Variants in ENTREP2 observed in about 807,000 individuals in gnomAD.
ENTREP2 encodes the protein protein ENTREP2.
the ENTREP2 span, among the ~76,000 whole-genome samples, chr15:29,228,675 A>G: frequency 6.6e-6 from 1 of 152,230 alleles, no homozygotes; most frequent in Non-Finnish European, 1.5e-5. Flanking sequence ...ATACTGTTTA[A>G]TTATTAATTT....
the ENTREP2 span, chr15:29,613,370 T>A: frequency 2.7e-6 from 1 of 366,998 alleles, no homozygotes; most frequent in South Asian, 2.4e-5. Context: ...GTTGATTCAT[T>A]CCTGGATATG....
At chr15:29,174,712 A>AAAC in the ENTREP2 span, among the ~76,000 whole-genome samples, 633 of 148,998 alleles carry the variant, frequency 4.2e-3, 15 homozygotes, top group Non-Finnish European at 4.0e-3. Flanking sequence ...CAAAACAACA[A>AAAC]AAAAAAAAAA....
the ENTREP2 span, among the ~76,000 whole-genome samples, chr15:29,256,000 CAAA>C: frequency 1.4e-3 from 153 of 112,406 alleles, 2 homozygotes; most frequent in South Asian, 0.015. Context: ...GAGTCCGTCT[CAAA>C]AAAAAAAAAA....
At chr15:29,476,496 G>C in the ENTREP2 span, among the ~76,000 whole-genome samples, 5 of 152,262 alleles carry the variant, frequency 3.3e-5, no homozygotes, top group Admixed American at 1.3e-4. Flanking sequence ...GGTCAGCATG[G>C]GGCCCACAAA....
chr15:29,240,160 C>G, the ENTREP2 span, among the ~76,000 whole-genome samples: 1 of 152,146 alleles, frequency 6.6e-6, no homozygotes, highest in African/African-American at 2.4e-5. Flanking sequence ...GTCGGGAGTT[C>G]GAGACCAGCC....
the ENTREP2 span, among the ~76,000 whole-genome samples, chr15:29,531,202 G>A: frequency 6.6e-6 from 1 of 152,126 alleles, no homozygotes; most frequent in African/African-American, 2.4e-5. Flanking sequence ...TGACAGTCTC[G>A]CCTTGAGAAG....
At chr15:29,601,148 C>T in the ENTREP2 span, among the ~76,000 whole-genome samples, 33 of 148,888 alleles carry the variant, frequency 2.2e-4, no homozygotes, top group African/African-American at 7.3e-4. Flanking sequence ...CCGCCTGCCT[C>T]GGCCTCCCAA....
the ENTREP2 span, among the ~76,000 whole-genome samples, chr15:29,291,620 C>T: frequency 2.0e-5 from 3 of 152,272 alleles, no homozygotes; most frequent in Admixed American, 6.5e-5. Flanking sequence ...AGAAAGAAAT[C>T]GAAGCCAACC....
chr15:29,400,180 C>T, the ENTREP2 span, among the ~76,000 whole-genome samples: 4 of 152,276 alleles, frequency 2.6e-5, no homozygotes, highest in East Asian at 1.9e-4. Context: ...ACTTGCCCAA[C>T]GTTACAATGA....
the ENTREP2 span, among the ~76,000 whole-genome samples, chr15:29,206,939 G>A: frequency 1.6e-4 from 24 of 152,012 alleles, no homozygotes; most frequent in Non-Finnish European, 3.4e-4. Flanking sequence ...CGACAGTTTG[G>A]GACCAATCAA....
At chr15:29,673,620 T>G in the ENTREP2 span, among the ~76,000 whole-genome samples, 4 of 152,190 alleles carry the variant, frequency 2.6e-5, no homozygotes, top group African/African-American at 9.7e-5. Context: ...TCTTGGAGTC[T>G]CCAGATGCAT....
At chr15:29,598,975 C>T in the ENTREP2 span, among the ~76,000 whole-genome samples, 656 of 152,354 alleles carry the variant, frequency 4.3e-3, 8 homozygotes, top group African/African-American at 0.015. Flanking sequence ...GGATTACAGG[C>T]ATGAGCCACG....
At chr15:29,361,085 T>C in the ENTREP2 span, among the ~76,000 whole-genome samples, 64,282 of 152,064 alleles carry the variant, frequency 0.42, 16,542 homozygotes, top group African/African-American at 0.73. Flanking sequence ...GTTGTTCTGC[T>C]GGCCTGCAAG....
At chr15:29,511,197 TAAAA>T in the ENTREP2 span, among the ~76,000 whole-genome samples, 3 of 151,926 alleles carry the variant, frequency 2.0e-5, no homozygotes, top group African/African-American at 7.3e-5. Context: ...AATTTTAAAA[TAAAA>T]GAAAGAAAGA....
At chr15:29,256,226 G>A in the ENTREP2 span, among the ~76,000 whole-genome samples, 5 of 152,184 alleles carry the variant, frequency 3.3e-5, no homozygotes, top group East Asian at 1.9e-4. Flanking sequence ...ACCTATTGGG[G>A]TACTGTGCTC....
At chr15:29,352,730 G>C in the ENTREP2 span, among the ~76,000 whole-genome samples, 5 of 152,186 alleles carry the variant, frequency 3.3e-5, no homozygotes, top group Non-Finnish European at 7.4e-5. Context: ...CAGCCAAACC[G>C]ATACTTTTCT....
chr15:29,292,780 A>G, the ENTREP2 span, among the ~76,000 whole-genome samples: 4 of 152,334 alleles, frequency 2.6e-5, no homozygotes, highest in Admixed American at 2.6e-4. Flanking sequence ...TAGAAGCTGT[A>G]CATCTTTGGT....
the ENTREP2 span, among the ~76,000 whole-genome samples, chr15:29,582,819 T>G: frequency 6.6e-6 from 1 of 151,974 alleles, no homozygotes; most frequent in Non-Finnish European, 1.5e-5. Flanking sequence ...GCCTGGCTGA[T>G]TTTTGTATTT....
At chr15:29,466,517 G>A in the ENTREP2 span, among the ~76,000 whole-genome samples, 8 of 130,826 alleles carry the variant, frequency 6.1e-5, no homozygotes, top group South Asian at 2.6e-4. Flanking sequence ...GGGAAGAGCC[G>A]AGGAGAGGAC....
Sources: allele counts gnomAD v4.1 joint callset (sites outside exome capture counted in the v4.1 genomes callset), GRCh38; gene constraint gnomAD v4.1.1; transcripts MANE v1.5; gene names NCBI Gene and HGNC (gene_info 2026-07-23, HGNC 2026-07-21).